The following CSMD3 variants were observed in gnomAD, a reference collection of about 807,000 sequenced individuals.
CSMD3 encodes the protein CUB and Sushi multiple domains 3.
A neutral mutation model predicts 435.2 loss-of-function variants in CSMD3; 177 were observed. That is an observed-to-expected ratio of 0.41 (90% CI 0.36 to 0.46). The LOEUF is 0.46. Among genes scored for constraint, CSMD3 ranks in the 20% least tolerant of loss-of-function variants. The pLI is 0.34. For missense variants in CSMD3, 4,265 were observed against 4,504.6 expected (o/e 0.95, Z 1.52); for synonymous variants, 1,656 against 1,520.5 (o/e 1.09, Z -2.07).
At chr8:113,235,232 AG>A (rs2093134548) in intron 3 of CSMD3, among the ~76,000 whole-genome samples, 1 of 152,148 alleles carries the variant, frequency 6.6e-6, no homozygotes, top group Non-Finnish European at 1.5e-5. Flanking sequence ...AGAAAGCTCT[AG>A]GAACAGTTTA....
intron 32 of CSMD3, among the ~76,000 whole-genome samples, chr8:112,426,325 T>G (rs1813066750): frequency 6.6e-6 from 1 of 152,188 alleles, no homozygotes; most frequent in South Asian, 2.1e-4. Context: ...CTATATTTTT[T>G]GGAAACAATT....
At chr8:113,305,937 T>C (rs1364572068) in intron 2 of CSMD3, among the ~76,000 whole-genome samples, 1 of 152,156 alleles carries the variant, frequency 6.6e-6, no homozygotes, top group African/African-American at 2.4e-5. Flanking sequence ...AAACACAATA[T>C]AATGGTATTT....
chr8:113,296,727 G>A (rs932147877), intron 2 of CSMD3, among the ~76,000 whole-genome samples: 2 of 152,152 alleles, frequency 1.3e-5, no homozygotes, highest in Non-Finnish European at 2.9e-5. Context: ...AGTTGGCAGA[G>A]AGAAACTGTC....
At chr8:112,459,846 T>C (rs1817266390) in intron 32 of CSMD3, among the ~76,000 whole-genome samples, 1 of 152,150 alleles carries the variant, frequency 6.6e-6, no homozygotes, top group Non-Finnish European at 1.5e-5. Context: ...GATAAAAATA[T>C]ATAGTCCCTT....
chr8:113,079,649 A>G (rs1246153689), intron 5 of CSMD3, among the ~76,000 whole-genome samples: 1 of 152,178 alleles, frequency 6.6e-6, no homozygotes, highest in Non-Finnish European at 1.5e-5. Flanking sequence ...TCATGTAGAC[A>G]TGATACAGAT....
intron 7 of CSMD3, among the ~76,000 whole-genome samples, chr8:112,960,511 G>A (rs2084188259): frequency 6.6e-6 from 1 of 151,628 alleles, no homozygotes; most frequent in African/African-American, 2.4e-5. Context: ...ACAGGAAGAC[G>A]ATATAATAGA....
chr8:112,888,903 G>A (rs1343023252), intron 10 of CSMD3, among the ~76,000 whole-genome samples: 2 of 151,576 alleles, frequency 1.3e-5, no homozygotes, highest in East Asian at 3.9e-4. Context: ...TAAGAGATGA[G>A]GCCAAGAGGA....
intron 4 of CSMD3, among the ~76,000 whole-genome samples, chr8:113,145,875 T>C (rs2091662150): frequency 6.6e-6 from 1 of 151,536 alleles, no homozygotes; most frequent in Non-Finnish European, 1.5e-5. Context: ...CACACAGGCA[T>C]AGTTAGTGGG....
At chr8:112,582,996 G>A (rs547100801) in intron 23 of CSMD3, among the ~76,000 whole-genome samples, 156 of 152,032 alleles carry the variant, frequency 1.0e-3, no homozygotes, top group African/African-American at 3.6e-3. Context: ...TAAACCACCT[G>A]GTCTATGTTA....
intron 30 of CSMD3, 149 bp from the exon 31 acceptor site, chr8:112,492,832 T>C: frequency 2.9e-6 from 2 of 700,078 alleles, no homozygotes; most frequent in Non-Finnish European, 5.1e-6. Context: ...ACAGACTTTT[T>C]TTGTCATTAC....
intron 32 of CSMD3, among the ~76,000 whole-genome samples, chr8:112,416,106 G>C (rs1231082403): frequency 1.3e-5 from 2 of 152,064 alleles, no homozygotes; most frequent in African/African-American, 2.4e-5. Flanking sequence ...AGGGACCATG[G>C]GCTGTGTCCT....
At chr8:113,076,042 T>C (rs1316084353) in intron 5 of CSMD3, among the ~76,000 whole-genome samples, 1 of 151,826 alleles carries the variant, frequency 6.6e-6, no homozygotes, top group Non-Finnish European at 1.5e-5. Context: ...CTAAAAGTTA[T>C]CTTTGAAATG....
At chr8:113,348,008 GT>G (rs577848768) in intron 1 of CSMD3, among the ~76,000 whole-genome samples, 33 of 152,096 alleles carry the variant, frequency 2.2e-4, no homozygotes, top group Admixed American at 7.2e-4. Context: ...ATGGCTAAGA[GT>G]TCCTAGTAAA....
chr8:112,570,984 T>C (rs968947512), intron 24 of CSMD3, among the ~76,000 whole-genome samples: 1 of 152,164 alleles, frequency 6.6e-6, no homozygotes, highest in Non-Finnish European at 1.5e-5. Flanking sequence ...TTTCCTTTAA[T>C]GGACAATTAT....
At chr8:112,761,720 G>A (rs1384018926) in intron 13 of CSMD3, among the ~76,000 whole-genome samples, 3 of 151,924 alleles carry the variant, frequency 2.0e-5, no homozygotes, top group Non-Finnish European at 4.4e-5. Flanking sequence ...CGTTGTGCAT[G>A]CACCCATATT....
chr8:112,997,333 C>T (rs981561635), intron 6 of CSMD3, among the ~76,000 whole-genome samples: 2 of 151,622 alleles, frequency 1.3e-5, no homozygotes, highest in African/African-American at 4.8e-5. Context: ...TATTCTTGAG[C>T]ATCTGTCTTA....
intron 64 of CSMD3, among the ~76,000 whole-genome samples, chr8:112,246,274 T>C (rs1814715634): frequency 6.6e-6 from 1 of 152,214 alleles, no homozygotes; most frequent in Non-Finnish European, 1.5e-5. Context: ...ACAGGGCTTG[T>C]GTATGCTTCA....
chr8:112,369,177 T>A (rs1349971289), intron 38 of CSMD3, among the ~76,000 whole-genome samples: 2 of 152,122 alleles, frequency 1.3e-5, no homozygotes, highest in East Asian at 1.9e-4. Context: ...TTGGTTCTTT[T>A]CATATTATTA....
At chr8:112,733,481 C>T (rs2077119009) in intron 13 of CSMD3, among the ~76,000 whole-genome samples, 2 of 151,296 alleles carry the variant, frequency 1.3e-5, no homozygotes, top group Non-Finnish European at 1.5e-5. Context: ...TATTTATAAA[C>T]ATAGATTGCA....
Sources: gnomAD v4.1 joint callset for allele counts (sites outside exome capture counted in the v4.1 genomes callset) on GRCh38, gnomAD v4.1.1 for gene constraint, MANE v1.5 for transcripts, NCBI Gene and HGNC (gene_info 2026-07-23, HGNC 2026-07-21) for gene names.